The following PTK2 variants were observed in gnomAD, a reference collection of about 807,000 sequenced individuals.
PTK2 encodes focal adhesion kinase 1.
In PTK2, 45 loss-of-function variants were observed where a neutral mutation model predicts 150.1. That is an observed-to-expected ratio of 0.30 (90% confidence interval 0.24 to 0.38). The LOEUF is 0.38. PTK2 is among the 10% of genes least tolerant of loss of function. The pLI, the probability that PTK2 is intolerant of heterozygous loss-of-function variation, is 1.00. For synonymous variants in PTK2, 432 were observed against 449.2 expected (o/e 0.96, Z 0.48); for missense variants, 919 against 1,307.3 (o/e 0.70, Z 4.58).
chr8:140,958,286 G>C (rs2100181886), intron 1 of PTK2, among the ~76,000 whole-genome samples: 1 of 152,032 alleles, frequency 6.6e-6, no homozygotes. Flanking sequence ...TAACAGGTCT[G>C]TGCCACCATA....
At chr8:140,823,483 A>ATATG (rs1567049086) in intron 8 of PTK2, among the ~76,000 whole-genome samples, 3 of 29,646 alleles carry the variant, frequency 1.0e-4, no homozygotes, top group Non-Finnish European at 1.5e-4. Context: ...GTTAAAATGC[A>ATATG]TATATATATA....
chr8:140,898,413 T>C (rs1257695802), intron 2 of PTK2, among the ~76,000 whole-genome samples: 1 of 152,234 alleles, frequency 6.6e-6, no homozygotes, highest in African/African-American at 2.4e-5. Context: ...AAATGTGGAC[T>C]GGAATGGGAG....
At chr8:140,927,940 GAAAAAAAAAAAAAAAAAGAAA>G (rs1232286111) in intron 1 of PTK2, among the ~76,000 whole-genome samples, 23 of 36,286 alleles carry the variant, frequency 6.3e-4, no homozygotes, top group Middle Eastern at 0.024. Flanking sequence ...ATCTCAAAAA[GAAAAAAAAAAAAAAAAAGAAA>G]AAAAAAAAAA....
rs532609783 is a variant in PTK2, at chr8:140,769,483, G to A, written c.1178-5193C>T. 22 of 868,914 alleles carry A rather than the reference G, an allele frequency of 2.5e-5. No homozygotes were observed. In the East Asian group the frequency reaches 1.5e-3, roughly 58 times the overall value. The allele number at this position is 868,914 out of a possible 1,614,324, so 53.8% of individuals were successfully genotyped here. ...TGTACTTGGTTCTGTTGGATCAAAA[G>A]CACATTTTGCCTTTCATTAAATACT... On this transcript the variant is annotated intron_variant, in intron 14 of 31. Transcript: ENST00000522684.
chr8:140,964,971 A>ATT (rs2100184728), intron 1 of PTK2, among the ~76,000 whole-genome samples: 1 of 152,176 alleles, frequency 6.6e-6, no homozygotes, highest in Non-Finnish European at 1.5e-5. Flanking sequence ...GCTTTACAGA[A>ATT]TTTTGATGGT....
intron 1 of PTK2, among the ~76,000 whole-genome samples, chr8:140,937,241 A>G (rs934695821): frequency 2.6e-5 from 4 of 152,218 alleles, no homozygotes; most frequent in African/African-American, 9.6e-5. Context: ...TATGTTAAAG[A>G]ATTTAAATTT....
intron 31 of PTK2, among the ~76,000 whole-genome samples, chr8:140,664,349 C>T (rs2086353082): frequency 6.6e-6 from 1 of 152,126 alleles, no homozygotes; most frequent in African/African-American, 2.4e-5. Context: ...ACTATGTTGT[C>T]TTGAAATCCA....
At chr8:140,810,500 C>T (rs952274175) in intron 10 of PTK2, among the ~76,000 whole-genome samples, 5 of 152,170 alleles carry the variant, frequency 3.3e-5, no homozygotes, top group African/African-American at 1.2e-4. Context: ...AGTGGCTGAC[C>T]GCTTCTGACC....
At chr8:140,790,389 G>A (rs942716484) in intron 13 of PTK2, among the ~76,000 whole-genome samples, 3 of 152,108 alleles carry the variant, frequency 2.0e-5, no homozygotes, top group Admixed American at 6.5e-5. Context: ...AAGTCTAAAC[G>A]TGAAATCTGT....
chr8:140,904,645 G>A (rs1286342077), intron 2 of PTK2, among the ~76,000 whole-genome samples: 1 of 152,006 alleles, frequency 6.6e-6, no homozygotes, highest in African/African-American at 2.4e-5. Context: ...TTTTTGGTTG[G>A]TAGGCTATTA....
exon 31 of PTK2, chr8:140,664,984 G>A: frequency 6.2e-7 from 1 of 1,613,718 alleles, no homozygotes; most frequent in Admixed American, 1.7e-5. Context: ...TGTCCTCAGG[G>A]CCAAGCCGAC....
chr8:140,934,087 C>T (rs1346490626), intron 1 of PTK2, among the ~76,000 whole-genome samples: 1 of 151,984 alleles, frequency 6.6e-6, no homozygotes, highest in East Asian at 1.9e-4. Context: ...AAAAGAAACA[C>T]AAATAAATAA....
At chr8:140,879,304 G>A (rs1600201583) in intron 4 of PTK2, 167 bp downstream of exon 4, 1 of 657,556 alleles carries the variant, frequency 1.5e-6, no homozygotes, top group Non-Finnish European at 2.4e-6. Context: ...TAGACTAGAG[G>A]TCTAGAAGAG....
rs551925192 is a variant in PTK2, at chr8:140,760,493, T to C, written c.1332+672A>G. Among the ~76,000 whole-genome samples the C allele has an allele frequency of 1.3e-3, 203 of 152,320 alleles. 1 individual carries two copies. The highest frequency in any genetic ancestry group is 4.8e-3 in the African/African-American group (198 of 41,586). ...CTGATAATAAAAAATCCATATATTA[T>C]ATGTTTCATTTATACAAAATGTCCA... On this transcript the variant is annotated intron_variant, in intron 16 of 31. Coordinates refer to ENST00000522684, the Ensembl canonical transcript of PTK2.
chr8:140,724,596 G>T lies in PTK2; in HGVS notation c.2031-6887C>A, dbSNP rs573836583. Among the ~76,000 whole-genome samples, 18 of 152,246 alleles carry T rather than the reference G, an allele frequency of 1.2e-4. No homozygotes were observed. In the South Asian group the frequency reaches 3.7e-3, roughly 32 times the overall value. ...TTGGATATAAAATCAGTCTGGGTTTGCAGTTATTTAAGTTAATCTAGAAAA... is the reference window on the plus strand; with the variant it reads ...TTGGATATAAAATCAGTCTGGGTTTTCAGTTATTTAAGTTAATCTAGAAAA... On this transcript the variant is annotated intron_variant, in intron 22 of 31. Transcript: ENST00000522684.
chr8:140,889,287 T>C (rs190558289), intron 3 of PTK2, among the ~76,000 whole-genome samples: 1,568 of 152,346 alleles, frequency 0.01, 26 homozygotes, highest in Non-Finnish European at 0.012. Flanking sequence ...TAGAGTGCAG[T>C]GGCACGATCT....
intron 8 of PTK2, among the ~76,000 whole-genome samples, chr8:140,827,594 T>C (rs931091716): frequency 9.2e-5 from 14 of 152,090 alleles, no homozygotes; most frequent in African/African-American, 3.4e-4. Flanking sequence ...GGAAAGAAAC[T>C]TTCTAGCTTT....
In PTK2 at chr8:140,925,743, G is replaced by T. The variant is rs559398488; in HGVS notation, c.-115C>A. 8 of 766,020 alleles carry T rather than the reference G, an allele frequency of 1.0e-5. No individual in the cohort carries two copies. The highest frequency in any genetic ancestry group is 1.3e-5 in the Non-Finnish European group (8 of 629,852). The allele number at this position is 766,020 out of a possible 1,614,324, so 47.5% of individuals were successfully genotyped here. On this transcript the variant is annotated 5_prime_UTR_variant, in exon 2 of 32. In the 5' UTR this introduces an upstream ATG that the reference lacks. Coordinates refer to ENST00000522684, the Ensembl canonical transcript of PTK2. ...AACTGGAAGATGCAAGGGAGCCCCA[G>T]TTCTGCCTGTGAGACAAAGAAAATC...
intron 22 of PTK2, among the ~76,000 whole-genome samples, chr8:140,719,590 T>C (rs2100041656): frequency 6.6e-6 from 1 of 152,188 alleles, no homozygotes. Context: ...TAAGCGTTAG[T>C]TGTCATCAGT....
Sources: allele counts gnomAD v4.1 joint callset (sites outside exome capture counted in the v4.1 genomes callset), GRCh38; gene constraint gnomAD v4.1.1; transcripts MANE v1.5; gene names NCBI Gene and HGNC (gene_info 2026-07-23, HGNC 2026-07-21).